UNC13C: variants seen among roughly 807,000 people sequenced by gnomAD.
UNC13C encodes unc-13 homolog C.
In UNC13C, 174 loss-of-function variants were observed where a neutral mutation model predicts 245.4. The observed-to-expected ratio is 0.71, with a 90% CI of 0.63 to 0.80. The LOEUF (loss-of-function observed/expected upper bound fraction) is 0.80, where lower values mean the gene tolerates loss of function less well. UNC13C is among the 30% of genes least tolerant of loss of function. The probability of loss-of-function intolerance (pLI) is 0.00; values close to 1 mark genes in which losing one functional copy is unlikely to be tolerated. For missense variants in UNC13C, 2,829 were observed against 2,602.9 expected, an observed-to-expected ratio of 1.09 and a Z score of -1.89; for synonymous variants, 992 against 895.1, an observed-to-expected ratio of 1.11 and a Z score of -1.93.
At chr15:54,480,636 G>A (rs1038908523) in intron 19 of UNC13C, among the ~76,000 whole-genome samples, 5 of 151,654 alleles carry the variant, frequency 3.3e-5, no homozygotes, top group Non-Finnish European at 7.4e-5. Flanking sequence ...CATTCGTATT[G>A]TTTATCTGGG....
the UNC13C span, among the ~76,000 whole-genome samples, chr15:53,863,337 G>A: frequency 1.3e-5 from 2 of 152,190 alleles, no homozygotes; most frequent in Non-Finnish European, 2.9e-5. Context: ...CTTCAGATCA[G>A]TATTGGGCAG....
At chr15:53,910,330 A>C in the UNC13C span, among the ~76,000 whole-genome samples, 2 of 146,116 alleles carry the variant, frequency 1.4e-5, no homozygotes, top group Non-Finnish European at 3.1e-5. Context: ...GTCAAGGAAT[A>C]GGCCTGGGCA....
intron 8 of UNC13C, among the ~76,000 whole-genome samples, chr15:54,256,344 G>A (rs543993638): frequency 4.6e-5 from 7 of 152,274 alleles, no homozygotes; most frequent in African/African-American, 1.2e-4. Context: ...ACAATTCTAC[G>A]ATATTGTGTC....
chr15:54,079,919 C>T (rs961164848), intron 2 of UNC13C, among the ~76,000 whole-genome samples: 7 of 151,452 alleles, frequency 4.6e-5, no homozygotes, highest in Non-Finnish European at 7.4e-5. Context: ...CAACTTTTCC[C>T]CATTCAGTAT....
rs550154269 is a variant in UNC13C, at chr15:54,353,670, C to T, written c.4713+15181C>T. On this transcript the variant is annotated intron_variant, in intron 17 of 32. Coordinates refer to ENST00000260323, the MANE Select transcript of UNC13C (RefSeq NM_001080534.3). ...ACCTATCAGAAACATTTGTTATTGGCCACTCCATCCTTCCTAAAATACTTT... is the reference window on the plus strand; with the variant it reads ...ACCTATCAGAAACATTTGTTATTGGTCACTCCATCCTTCCTAAAATACTTT... 1.1e-4 allele frequency among the ~76,000 whole-genome samples: 17 copies of T among 152,274 alleles called. No homozygotes were observed. The East Asian group carries it at 1.4e-3, about 12-fold the overall frequency.
the UNC13C span, among the ~76,000 whole-genome samples, chr15:53,871,340 C>G: frequency 1.3e-5 from 2 of 152,132 alleles, no homozygotes; most frequent in African/African-American, 4.8e-5. Context: ...TATTTTATAA[C>G]TTCTTAACTC....
intron 2 of UNC13C, among the ~76,000 whole-genome samples, chr15:54,056,408 G>C (rs903538341): frequency 1.3e-5 from 2 of 152,072 alleles, no homozygotes; most frequent in African/African-American, 4.8e-5. Flanking sequence ...GAAGTTTAGA[G>C]AAAAAAGAAT....
rs574571770 is a variant in UNC13C at position 54,120,159 on chromosome 15, A to G, written c.2984-22859A>G. On this transcript the variant is annotated intron_variant, in intron 2 of 32. Coordinates refer to ENST00000260323, the MANE Select transcript of UNC13C (RefSeq NM_001080534.3). ...CCTTCTATTGGACGAAAACGACACC[A>G]GGACTTTTAAAGCTGGAGAACAGAA... Among the ~76,000 whole-genome samples, 6 of 152,310 alleles carry G rather than the reference A, an allele frequency of 3.9e-5. No individual in the cohort carries two copies. The South Asian group carries it at 1.2e-3, about 32-fold the overall frequency.
chr15:53,881,136 T>TTG, the UNC13C span, among the ~76,000 whole-genome samples: 20,514 of 151,320 alleles, frequency 0.14, 1,600 homozygotes, highest in East Asian at 0.38. Context: ...AAGTTGGGGA[T>TTG]TGTGTGTGTG....
intron 4 of UNC13C, among the ~76,000 whole-genome samples, chr15:54,207,291 A>G (rs2034746678): frequency 1.3e-5 from 2 of 152,042 alleles, no homozygotes. Flanking sequence ...CCTCAAGGTG[A>G]GGGAGTTCTT....
At chr15:53,851,061 A>G in the UNC13C span, among the ~76,000 whole-genome samples, 2 of 151,668 alleles carry the variant, frequency 1.3e-5, no homozygotes, top group African/African-American at 4.8e-5. Flanking sequence ...TATTTCTCTT[A>G]TTATTTAAAT....
intron 2 of UNC13C, among the ~76,000 whole-genome samples, chr15:54,033,362 T>C (rs1225229829): frequency 6.6e-6 from 1 of 152,232 alleles, no homozygotes; most frequent in African/African-American, 2.4e-5. Context: ...TGGATATACC[T>C]TAGTTCCTAA....
chr15:54,609,561 T>C (rs182558325), intron 30 of UNC13C: 2 of 152,324 alleles, frequency 1.3e-5, no homozygotes, highest in East Asian at 3.9e-4. Flanking sequence ...AACATTTTAA[T>C]TAAGTGCTAG....
rs34179914 is a variant in UNC13C at position 54,332,305 on chromosome 15, C to CTGTGTGTGTGTGTGTGTGTG, written c.4494+208_4494+227dup. On this transcript the variant is annotated intron_variant, in intron 15 of 32. Transcript: ENST00000260323. ...GCCCCACGTAGACTACAACAATACT[C>CTGTGTGTGTGTGTGTGTGTG]TGTGTGTGTGTGTGTGTGTGTGTGT... 8.3e-3 allele frequency among the ~76,000 whole-genome samples: 1,211 copies of CTGTGTGTGTGTGTGTGTGTG among 145,610 alleles called. 22 individuals are homozygous for CTGTGTGTGTGTGTGTGTGTG. The highest frequency in any genetic ancestry group is 0.03 in the African/African-American group (1,164 of 39,104).
At chr15:54,556,129 T>C (rs1442731304) in intron 29 of UNC13C, among the ~76,000 whole-genome samples, 1 of 152,018 alleles carries the variant, frequency 6.6e-6, no homozygotes, top group Non-Finnish European at 1.5e-5. Flanking sequence ...TTCTTTTATA[T>C]TTATATCCAT....
At chr15:54,303,912 T>C (rs1034758209) in intron 13 of UNC13C, among the ~76,000 whole-genome samples, 3 of 152,094 alleles carry the variant, frequency 2.0e-5, no homozygotes, top group African/African-American at 4.8e-5. Context: ...GCCTTTAAGA[T>C]AAGTATTTTT....
At chr15:54,241,229 G>C (rs542487137) in intron 7 of UNC13C, among the ~76,000 whole-genome samples, 2 of 152,240 alleles carry the variant, frequency 1.3e-5, no homozygotes, top group East Asian at 3.9e-4. Flanking sequence ...AAGGCTGGCA[G>C]GCTTCTAGGA....
intron 17 of UNC13C, among the ~76,000 whole-genome samples, chr15:54,351,869 C>T (rs967985670): frequency 2.0e-5 from 3 of 151,942 alleles, no homozygotes; most frequent in South Asian, 2.1e-4. Context: ...CACTCAGTAG[C>T]CACTGTTTTC....
intron 20 of UNC13C, among the ~76,000 whole-genome samples, chr15:54,497,137 TA>T (rs1264677579): frequency 6.6e-6 from 1 of 152,174 alleles, no homozygotes; most frequent in African/African-American, 2.4e-5. Context: ...CACTCTACGC[TA>T]AACTAAAATC....
Sources: gnomAD v4.1 joint callset for allele counts (sites outside exome capture counted in the v4.1 genomes callset) on GRCh38, gnomAD v4.1.1 for gene constraint, MANE v1.5 for transcripts, NCBI Gene and HGNC (gene_info 2026-07-23, HGNC 2026-07-21) for gene names.